The following MAGI2 variants were observed in gnomAD, a reference collection of about 807,000 sequenced individuals.
The protein encoded by MAGI2 is membrane-associated guanylate kinase, WW and PDZ domain-containing protein 2.
In MAGI2, 35 loss-of-function variants were observed where a neutral mutation model predicts 133.3. That is an observed-to-expected ratio of 0.26 (90% CI 0.20 to 0.35). MAGI2 has a LOEUF of 0.35. MAGI2 is among the 10% of genes least tolerant of loss of function. MAGI2 has a pLI of 1.00. For synonymous variants in MAGI2, 729 were observed against 710.6 expected (o/e 1.03, Z -0.41); for missense variants, 1,636 against 1,863.4 (o/e 0.88, Z 2.25).
chr7:78,148,410 T>C (rs977457339), intron 16 of MAGI2, among the ~76,000 whole-genome samples: 1 of 152,096 alleles, frequency 6.6e-6, no homozygotes, highest in Non-Finnish European at 1.5e-5. Context: ...GCAGTAGTTA[T>C]AACTAAACAC....
At chr7:79,417,689 C>T (rs2129176723) in intron 1 of MAGI2, among the ~76,000 whole-genome samples, 1 of 151,616 alleles carries the variant, frequency 6.6e-6, no homozygotes, top group Middle Eastern at 3.4e-3. Context: ...GGAGTAGGTG[C>T]TGCTTAAATA....
intron 6 of MAGI2, among the ~76,000 whole-genome samples, chr7:78,406,979 A>T (rs561867721): frequency 6.6e-6 from 1 of 152,116 alleles, no homozygotes; most frequent in African/African-American, 2.4e-5. Flanking sequence ...GACATGCAGC[A>T]CAAAAAAAGC....
intron 1 of MAGI2, among the ~76,000 whole-genome samples, chr7:79,029,870 G>T (rs991040641): frequency 6.6e-6 from 1 of 152,044 alleles, no homozygotes; most frequent in South Asian, 2.1e-4. Flanking sequence ...GTTTACTCTG[G>T]TCTCTTGATT....
In MAGI2 at chr7:79,256,486, C is replaced by CTTT. The variant is rs11303181; in HGVS notation, c.301+196531_301+196533dup. Among the ~76,000 whole-genome samples the CTTT allele has an allele frequency of 2.3e-3, 187 of 82,748 alleles. 1 individual carries two copies. Among genetic ancestry groups the CTTT allele is most frequent in the Admixed American group, 5.4e-3 (35 of 6,456 alleles). 54.3% of individuals were successfully genotyped at this position (82,748 alleles called of 152,430 possible). A position where few individuals can be genotyped will look rare whatever the true frequency, so the allele number is the denominator to read the frequency against. On this transcript the variant is annotated intron_variant, in intron 1 of 21. Coordinates refer to ENST00000354212, the MANE Select transcript of MAGI2 (RefSeq NM_012301.4). ...GTCTTTTCTGTCTCTCTCTCTCTCT[C>CTTT]TTTTTTTTTTTTTTTTTTTTTTTGA...
chr7:78,255,344 C>T (rs1053878195), intron 10 of MAGI2: 2 of 157,926 alleles, frequency 1.3e-5, no homozygotes, highest in Admixed American at 6.5e-5. Context: ...ATGGGAGGCA[C>T]TATGGGTAAT....
At chr7:79,259,405 T>A (rs954325259) in intron 1 of MAGI2, among the ~76,000 whole-genome samples, 2 of 152,200 alleles carry the variant, frequency 1.3e-5, no homozygotes, top group African/African-American at 4.8e-5. Flanking sequence ...ATTGACTTTA[T>A]TCTGTAAAAT....
rs10542271 is a variant in MAGI2, at chr7:79,167,397, CAAAAAAAAA to C, written c.302-160200_302-160192del. ...GTAAACTAACACCCCCCAAAAATGGCAAAAAAAAAAAAAAAAAAAAACTCCAGGCAAAAC... is the reference window on the plus strand; with the variant it reads ...GTAAACTAACACCCCCCAAAAATGGCAAAAAAAAAAAACTCCAGGCAAAAC... On this transcript the variant is annotated intron_variant, in intron 1 of 21. Coordinates refer to ENST00000354212, the MANE Select transcript of MAGI2 (RefSeq NM_012301.4). 2.7e-3 allele frequency among the ~76,000 whole-genome samples: 226 copies of C among 84,748 alleles called. 5 individuals are homozygous for C. Among genetic ancestry groups the C allele is most frequent in the Admixed American group, 0.027 (210 of 7,878 alleles). 55.6% of individuals were successfully genotyped at this position (84,748 alleles called of 152,430 possible). A position where few individuals can be genotyped will look rare whatever the true frequency, so the allele number is the denominator to read the frequency against.
chr7:78,773,652 C>T (rs540748063), intron 2 of MAGI2, among the ~76,000 whole-genome samples: 8 of 152,100 alleles, frequency 5.3e-5, no homozygotes, highest in Non-Finnish European at 8.8e-5. Context: ...CTCCTTAAGG[C>T]GAGGCAGGAC....
intron 2 of MAGI2, among the ~76,000 whole-genome samples, chr7:78,952,724 G>A (rs887822905): frequency 4.6e-5 from 7 of 152,066 alleles, no homozygotes; most frequent in Non-Finnish European, 7.4e-5. Context: ...GTTCCCATAC[G>A]CAGACTTTTA....
chr7:78,028,428 C>T (rs1405291223), intron 21 of MAGI2, among the ~76,000 whole-genome samples: 1 of 152,174 alleles, frequency 6.6e-6, no homozygotes, highest in Non-Finnish European at 1.5e-5. Context: ...GCCAAAAGGG[C>T]AAATCTCATG....
chr7:78,672,881 G>A (rs1037482476), intron 2 of MAGI2, among the ~76,000 whole-genome samples: 1 of 152,154 alleles, frequency 6.6e-6, no homozygotes, highest in African/African-American at 2.4e-5. Flanking sequence ...ACTTATGAGA[G>A]CCTAAGAAAA....
chr7:78,676,021 G>C (rs1814986022), intron 2 of MAGI2, among the ~76,000 whole-genome samples: 1 of 152,100 alleles, frequency 6.6e-6, no homozygotes, highest in Non-Finnish European at 1.5e-5. Context: ...TGTTTTCACT[G>C]ATTCTAAGTC....
chr7:78,164,745 A>C (rs1274597191), intron 15 of MAGI2, among the ~76,000 whole-genome samples: 1 of 152,244 alleles, frequency 6.6e-6, no homozygotes, highest in Non-Finnish European at 1.5e-5. Context: ...GACTGACTCT[A>C]ACATGTTTTT....
At chr7:79,049,987 T>C (rs941044379) in intron 1 of MAGI2, among the ~76,000 whole-genome samples, 4 of 152,206 alleles carry the variant, frequency 2.6e-5, no homozygotes, top group Non-Finnish European at 4.4e-5. Flanking sequence ...GTCTGCTGTG[T>C]TCGCTGGCTG....
chr7:78,276,993 G>A (rs1287291850), intron 9 of MAGI2, among the ~76,000 whole-genome samples: 4 of 152,052 alleles, frequency 2.6e-5, no homozygotes, highest in Admixed American at 2.0e-4. Flanking sequence ...TATTTAAAAC[G>A]ATTTTCCAAT....
At chr7:79,347,503 A>G (rs1267191300) in intron 1 of MAGI2, among the ~76,000 whole-genome samples, 1 of 151,630 alleles carries the variant, frequency 6.6e-6, no homozygotes, top group East Asian at 1.9e-4. Flanking sequence ...TTGAGAGATC[A>G]GTTTTGCTTA....
At chr7:78,519,605 A>C (rs1355483017) in intron 4 of MAGI2, among the ~76,000 whole-genome samples, 1 of 152,174 alleles carries the variant, frequency 6.6e-6, no homozygotes, top group African/African-American at 2.4e-5. Flanking sequence ...CCTCCTAACC[A>C]TAAAAGCACA....
At chr7:78,193,728 G>A (rs916799489) in intron 12 of MAGI2, among the ~76,000 whole-genome samples, 2 of 145,120 alleles carry the variant, frequency 1.4e-5, no homozygotes, top group Admixed American at 7.2e-5. Context: ...AAATACAGTA[G>A]CTCTGATGTA....
intron 3 of MAGI2, among the ~76,000 whole-genome samples, chr7:78,604,149 T>C (rs1805529154): frequency 6.6e-6 from 1 of 152,166 alleles, no homozygotes; most frequent in South Asian, 2.1e-4. Flanking sequence ...ATGGAGCTGG[T>C]ATCAAAACGA....
Sources: allele counts gnomAD v4.1 joint callset (sites outside exome capture counted in the v4.1 genomes callset), GRCh38; gene constraint gnomAD v4.1.1; transcripts MANE v1.5; gene names NCBI Gene and HGNC (gene_info 2026-07-23, HGNC 2026-07-21).